Variants in CHD9 observed in about 807,000 individuals in gnomAD.
CHD9 encodes chromodomain helicase DNA binding protein 9.
CHD9 carries 77 observed loss-of-function variants against 316.1 expected under a neutral mutation model. The ratio of observed to expected loss-of-function variants is 0.24; its 90% CI spans 0.20 to 0.29. The LOEUF (loss-of-function observed/expected upper bound fraction) is 0.29, where lower values mean the gene tolerates loss of function less well. CHD9 is among the 10% of genes least tolerant of loss of function. CHD9 has a pLI of 1.00. For missense variants in CHD9, 2,763 were observed against 3,438.1 expected (o/e 0.80, Z 4.91); for synonymous variants, 1,129 against 1,158.3 (o/e 0.97, Z 0.51).
chr16:53,191,182 T>C (rs984704199), intron 2 of CHD9, among the ~76,000 whole-genome samples: 1 of 152,168 alleles, frequency 6.6e-6, no homozygotes, highest in South Asian at 2.1e-4. Context: ...TAATTTCATA[T>C]AAATGGAATC....
intron 1 of CHD9, among the ~76,000 whole-genome samples, chr16:53,130,542 G>T (rs920424042): frequency 6.7e-6 from 1 of 149,536 alleles, no homozygotes; most frequent in Non-Finnish European, 1.5e-5. Flanking sequence ...GGCGGCCGCG[G>T]CGGGGCTGCC....
chr16:53,315,905 G>A (rs755353312), intron 36 of CHD9, among the ~76,000 whole-genome samples: 1 of 152,178 alleles, frequency 6.6e-6, no homozygotes, highest in Non-Finnish European at 1.5e-5. Context: ...CAAGCTATGA[G>A]TATAGCTTCT....
Position 53,297,133 on chromosome 16 carries a change from G to A in CHD9, c.5688G>A (p.Arg1896=). 6.2e-7 allele frequency: 1 copy of A among 1,613,568 alleles called. No individual in the cohort carries two copies. Among genetic ancestry groups the A allele is most frequent in the Non-Finnish European group, 8.5e-7 (1 of 1,179,666 alleles). ...YLYAFMSMCR[R]VCRLPSKEEL... is the part of the protein sequence containing the mutation. ...ACGCATTCATGTCCATGTGTCGGAG[G>A]GTTTGTCGTCTTCCTTCCAAAGAAG... The change falls in exon 30 of 39, where the codon AGG becomes AGA. Residue 1896 remains arginine (R), a synonymous_variant. Coordinates refer to ENST00000447540, the MANE Select transcript of CHD9 (RefSeq NM_001308319.2).
At chr16:53,267,261 G>C in intron 20 of CHD9, 33 bp from the exon 21 acceptor site, 1 of 1,439,762 alleles carries the variant, frequency 6.9e-7, no homozygotes, top group Non-Finnish European at 9.4e-7. Flanking sequence ...AATCATAAAA[G>C]TACCTTCAGG....
intron 2 of CHD9, among the ~76,000 whole-genome samples, chr16:53,171,506 A>G (rs932870530): frequency 1.3e-5 from 2 of 152,198 alleles, no homozygotes; most frequent in Admixed American, 6.5e-5. Context: ...GACATATGAC[A>G]ACTAGAAAAG....
At position 53,327,434 on chromosome 16, in the gene CHD9, T is replaced by C. The variant is rs1296743408; in HGVS notation, c.*2539T>C. The stretch of plus-strand genomic sequence containing the variant: ...ATTTGTAATTTATTAAATTACTTTC[T>C]ATGATGTTCTATAGAGCAAATGGAA... On this transcript the variant is annotated 3_prime_UTR_variant, in exon 39 of 39. Transcript: ENST00000447540. The C allele has an allele frequency of 6.6e-6, 1 of 152,616 alleles. No individual in the cohort carries two copies. Among genetic ancestry groups the C allele is most frequent in the Non-Finnish European group, 1.5e-5 (1 of 67,996 alleles). 9.5% of individuals were successfully genotyped at this position (152,616 alleles called of 1,614,324 possible). A position where few individuals can be genotyped will look rare whatever the true frequency, so the allele number is the denominator to read the frequency against.
At chr16:53,241,732 C>T (rs1386622933) in intron 12 of CHD9, among the ~76,000 whole-genome samples, 1 of 152,196 alleles carries the variant, frequency 6.6e-6, no homozygotes, top group Non-Finnish European at 1.5e-5. Flanking sequence ...GAACTGACCA[C>T]TTCTCATGAA....
chr16:53,109,690 T>TG lies in CHD9; in HGVS notation c.-164-46236_-164-46235insG, dbSNP rs1567335130. ...GATTCCCAGTTTCTTTTTTTTTTTT[T>TG]TTTTTTTTTTTTGAGATGGAGTCTC... is the stretch of plus-strand genomic sequence containing the variant. On this transcript the variant is annotated intron_variant, in intron 1 of 38. Transcript: ENST00000447540. Among the ~76,000 whole-genome samples the TG allele has an allele frequency of 5.7e-5, 6 of 105,878 alleles. 1 individual carries two copies. Among genetic ancestry groups the TG allele is most frequent in the Non-Finnish European group, 7.5e-5 (4 of 53,432 alleles). The allele number at this position is 105,878 out of a possible 152,430, so 69.5% of individuals were successfully genotyped here. A position where few individuals can be genotyped will look rare whatever the true frequency, so the allele number is the denominator to read the frequency against.
chr16:53,136,556 T>TAAAAA (rs35318410), intron 1 of CHD9, among the ~76,000 whole-genome samples: 1 of 141,416 alleles, frequency 7.1e-6, no homozygotes, highest in Non-Finnish European at 1.5e-5. Flanking sequence ...TACCTTTTCC[T>TAAAAA]AAAAAAAAAA....
chr16:53,202,770 TAAAAA>T (rs199743779), intron 2 of CHD9, among the ~76,000 whole-genome samples: 1 of 148,368 alleles, frequency 6.7e-6, no homozygotes, highest in Non-Finnish European at 1.5e-5. Flanking sequence ...TTATGACACT[TAAAAA>T]AAAAAGGAAT....
chr16:53,170,237 T>TA (rs909898903), intron 2 of CHD9, among the ~76,000 whole-genome samples: 1 of 152,118 alleles, frequency 6.6e-6, no homozygotes, highest in African/African-American at 2.4e-5. Context: ...ATGGATTTTT[T>TA]AAAAAATCAG....
At chr16:53,203,441 G>A (rs1374346261) in intron 2 of CHD9, among the ~76,000 whole-genome samples, 1 of 151,946 alleles carries the variant, frequency 6.6e-6, no homozygotes, top group African/African-American at 2.4e-5. Context: ...TGTTGTTTTT[G>A]GGTTTCACCA....
chr16:53,165,929 A>G (rs1452033074), intron 2 of CHD9, among the ~76,000 whole-genome samples: 4 of 152,178 alleles, frequency 2.6e-5, no homozygotes, highest in Non-Finnish European at 5.9e-5. Flanking sequence ...AACTTTTATA[A>G]GGTACCATCC....
rs749048766 is a variant in CHD9 at position 53,307,726 on chromosome 16, C to T, written c.6826C>T (p.Leu2276=). The T allele has an allele frequency of 7.4e-6, 12 of 1,611,836 alleles. No individual in the cohort carries two copies. The highest frequency in any genetic ancestry group is 2.2e-5 in the South Asian group (2 of 90,574). Residue 2276 remains leucine (L), a synonymous_variant, in exon 33 of 39, where the codon CTG becomes TTG. Transcript: ENST00000447540. The stretch of plus-strand genomic sequence containing the variant: ...GTTGGACAGTATTTGTCAAACAGTT[C>T]TGAAAGGAAAGTGGCCTTCAGCTAG... The part of the protein sequence containing the change: ...NRLDSICQTV[L]KGKWPSARRS...
intron 1 of CHD9, among the ~76,000 whole-genome samples, chr16:53,128,928 T>C (rs1245899814): frequency 6.6e-6 from 1 of 151,942 alleles, no homozygotes; most frequent in Non-Finnish European, 1.5e-5. Context: ...ATCAAAAAAG[T>C]AGGAAAGAAG....
At chr16:53,189,547 T>C (rs1460972490) in intron 2 of CHD9, among the ~76,000 whole-genome samples, 5 of 151,534 alleles carry the variant, frequency 3.3e-5, no homozygotes, top group Admixed American at 3.3e-4. Context: ...TATATATATG[T>C]ATTATATATA....
intron 2 of CHD9, among the ~76,000 whole-genome samples, chr16:53,186,995 A>G (rs2044072121): frequency 6.6e-6 from 1 of 152,192 alleles, no homozygotes; most frequent in Non-Finnish European, 1.5e-5. Flanking sequence ...ACAAATGCCA[A>G]GTGAAGACTT....
At chr16:53,308,494 G>C (rs192239643) in intron 33 of CHD9, among the ~76,000 whole-genome samples, 192 bp from the exon 34 acceptor site, 25 of 152,226 alleles carry the variant, frequency 1.6e-4, no homozygotes, top group African/African-American at 5.5e-4. Context: ...ATTCAAAATA[G>C]AAAATTTGGT....
intron 1 of CHD9, among the ~76,000 whole-genome samples, chr16:53,108,368 G>T (rs6499271): frequency 0.28 from 43,143 of 151,646 alleles, 6,466 homozygotes; most frequent in African/African-American, 0.36. Flanking sequence ...AGCCAGGTGC[G>T]GTGGTGTGCA....
Sources: gnomAD v4.1 joint callset for allele counts (sites outside exome capture counted in the v4.1 genomes callset) on GRCh38, gnomAD v4.1.1 for gene constraint, MANE v1.5 for transcripts, NCBI Gene and HGNC (gene_info 2026-07-23, HGNC 2026-07-21) for gene names.